ADGRG6: variants seen among roughly 807,000 people sequenced by gnomAD.
ADGRG6 encodes the protein adhesion G protein-coupled receptor G6.
Under a neutral mutation model 142.4 loss-of-function variants are expected in ADGRG6, and 84 were observed. The ratio of observed to expected loss-of-function variants is 0.59; its 90% CI spans 0.49 to 0.71. ADGRG6 has a LOEUF of 0.71. Among genes scored for constraint, ADGRG6 ranks in the 30% least tolerant of loss-of-function variants. The probability of loss-of-function intolerance (pLI) is 0.00; values close to 1 mark genes in which losing one functional copy is unlikely to be tolerated. For synonymous variants in ADGRG6, 521 were observed against 520.5 expected, an observed-to-expected ratio of 1.00 and a Z score of -0.01; for missense variants, 1,367 against 1,466.6, an observed-to-expected ratio of 0.93 and a Z score of 1.11.
chr6:142,306,457 A>G (rs1196663866), intron 1 of ADGRG6, among the ~76,000 whole-genome samples: 2 of 152,188 alleles, frequency 1.3e-5, no homozygotes, highest in Admixed American at 6.5e-5. Context: ...GTTGGAAGCC[A>G]AGTGACAAAA....
chr6:142,304,867 G>A (rs1777404673), intron 1 of ADGRG6, among the ~76,000 whole-genome samples: 1 of 151,986 alleles, frequency 6.6e-6, no homozygotes, highest in Admixed American at 6.6e-5. Flanking sequence ...AATTGACAGG[G>A]GTGGTGCCAT....
chr6:142,305,156 T>G (rs776029638), intron 1 of ADGRG6, among the ~76,000 whole-genome samples: 18 of 152,212 alleles, frequency 1.2e-4, no homozygotes, highest in Non-Finnish European at 2.2e-4. Context: ...GAGATGCAAC[T>G]TCTTTTATCA....
At position 142,432,605 on chromosome 6, in the gene ADGRG6, A is replaced by G. The variant is rs556170355; in HGVS notation, c.3320-4829A>G. 3.9e-5 allele frequency among the ~76,000 whole-genome samples: 6 copies of G among 152,344 alleles called. No homozygotes were observed. In the South Asian group the frequency reaches 1.2e-3, roughly 32 times the overall value. On this transcript the variant is annotated intron_variant, in intron 22 of 24. Transcript: ENST00000367609. ...AATTATTGAGTGCCTGTATATTTACAGACCACAATGGTTACTTAAAAATAG... is the reference window on the plus strand; with the variant it reads ...AATTATTGAGTGCCTGTATATTTACGGACCACAATGGTTACTTAAAAATAG...
intron 22 of ADGRG6, among the ~76,000 whole-genome samples, chr6:142,431,794 G>C (rs1777218887): frequency 6.6e-6 from 1 of 151,986 alleles, no homozygotes; most frequent in Non-Finnish European, 1.5e-5. Context: ...GTGGTGGCAT[G>C]CGCCTGTAAT....
At chr6:142,342,717 A>G (rs1430512086) in intron 2 of ADGRG6, among the ~76,000 whole-genome samples, 2 of 152,096 alleles carry the variant, frequency 1.3e-5, no homozygotes, top group Non-Finnish European at 2.9e-5. Context: ...AGTACGTAAC[A>G]AAGCCAATCA....
In ADGRG6 at chr6:142,317,884, A is replaced by G. The variant is rs749127107; in HGVS notation, c.103+8240A>G. Among the ~76,000 whole-genome samples the G allele has an allele frequency of 6.7e-3, 516 of 77,018 alleles. 15 individuals carry two copies. The South Asian group carries it at 0.13, about 19-fold the overall frequency. 50.5% of individuals were successfully genotyped at this position (77,018 alleles called of 152,430 possible). On this transcript the variant is annotated intron_variant, in intron 2 of 24. Coordinates refer to ENST00000367609, the MANE Select transcript of ADGRG6 (RefSeq NM_198569.3). Reference sequence around the variant, plus strand: ...TATTATATTTTTATATATTATATATATTTATATTATATATTTATATATATT... The same window carrying G: ...TATTATATTTTTATATATTATATATGTTTATATTATATATTTATATATATT...
chr6:142,319,645 ACAT>A (rs1194460610), intron 2 of ADGRG6, among the ~76,000 whole-genome samples: 1 of 152,114 alleles, frequency 6.6e-6, no homozygotes, highest in African/African-American at 2.4e-5. Context: ...CCTTTTGAAT[ACAT>A]TTCAATTTTC....
intron 18 of ADGRG6, among the ~76,000 whole-genome samples, chr6:142,413,277 T>C (rs1352497708): frequency 2.6e-5 from 4 of 152,094 alleles, no homozygotes; most frequent in Non-Finnish European, 5.9e-5. Flanking sequence ...CATGACACAT[T>C]CACCAGTTCA....
chr6:142,306,181 T>C (rs1036381787), intron 1 of ADGRG6, among the ~76,000 whole-genome samples: 7 of 152,190 alleles, frequency 4.6e-5, no homozygotes, highest in Non-Finnish European at 1.0e-4. Flanking sequence ...TCTTCACTAA[T>C]TTCTCTTTAA....
At chr6:142,312,173 C>G (rs1229026121) in intron 2 of ADGRG6, among the ~76,000 whole-genome samples, 3 of 151,956 alleles carry the variant, frequency 2.0e-5, no homozygotes, top group African/African-American at 7.2e-5. Context: ...ACTGTGATAG[C>G]TAGGTTAGGA....
intron 23 of ADGRG6, 189 bp from the exon 24 acceptor site, chr6:142,438,023 C>T (rs141919194): frequency 3.8e-4 from 169 of 446,050 alleles, no homozygotes; most frequent in Middle Eastern, 3.4e-3. Flanking sequence ...TTAAATAGTA[C>T]GTATACAAGG....
At chr6:142,398,575 G>A (rs1775327935) in intron 10 of ADGRG6, among the ~76,000 whole-genome samples, 1 of 152,120 alleles carries the variant, frequency 6.6e-6, no homozygotes, top group African/African-American at 2.4e-5. Flanking sequence ...CTAAGCTCTA[G>A]CCACACATAT....
intron 14 of ADGRG6, 119 bp from the exon 15 acceptor site, chr6:142,405,569 G>GT (rs1032932619): frequency 2.6e-6 from 2 of 769,554 alleles, no homozygotes; most frequent in African/African-American, 3.5e-5. Flanking sequence ...ACAAAGGGAA[G>GT]TCCTGGTACT....
At chr6:142,369,424 C>T (rs1216706693) in intron 3 of ADGRG6, among the ~76,000 whole-genome samples, 1 of 152,014 alleles carries the variant, frequency 6.6e-6, no homozygotes, top group African/African-American at 2.4e-5. Context: ...CCATTGTTGC[C>T]CATTTTACAG....
intron 2 of ADGRG6, among the ~76,000 whole-genome samples, chr6:142,351,533 C>T (rs1426381823): frequency 2.0e-5 from 3 of 152,158 alleles, no homozygotes; most frequent in African/African-American, 7.2e-5. Flanking sequence ...CTCTTCCTTA[C>T]ACTACACACA....
chr6:142,415,749 G>C (rs1198943797), intron 19 of ADGRG6, 47 bp from the exon 20 acceptor site: 1 of 1,345,182 alleles, frequency 7.4e-7, no homozygotes, highest in Non-Finnish European at 1.1e-6. Flanking sequence ...TTAAAAGATT[G>C]ATATACAGTA....
intron 2 of ADGRG6, among the ~76,000 whole-genome samples, chr6:142,334,051 CG>C (rs998384374): frequency 1.4e-4 from 22 of 152,262 alleles, no homozygotes; most frequent in African/African-American, 5.3e-4. Flanking sequence ...GGAAGAAAGT[CG>C]GTTTTCCAAC....
At chr6:142,314,486 A>T (rs1419953264) in intron 2 of ADGRG6, among the ~76,000 whole-genome samples, 1 of 152,188 alleles carries the variant, frequency 6.6e-6, no homozygotes, top group Non-Finnish European at 1.5e-5. Context: ...GTCTCAAGCT[A>T]TCTGAGGAAT....
At chr6:142,354,800 T>A (rs1426397606) in intron 2 of ADGRG6, among the ~76,000 whole-genome samples, 2 of 152,180 alleles carry the variant, frequency 1.3e-5, no homozygotes, top group Non-Finnish European at 2.9e-5. Context: ...TATTAAAAAT[T>A]TTTTTGGCTC....
Sources: allele counts gnomAD v4.1 joint callset (sites outside exome capture counted in the v4.1 genomes callset), GRCh38; gene constraint gnomAD v4.1.1; transcripts MANE v1.5; gene names NCBI Gene and HGNC (gene_info 2026-07-23, HGNC 2026-07-21).